ZMYM2: variants seen among roughly 807,000 people sequenced by gnomAD.
ZMYM2 encodes zinc finger MYM-type protein 2.
Under a neutral mutation model 162.8 loss-of-function variants are expected in ZMYM2, and 56 were observed. That is an observed-to-expected ratio of 0.34 (90% CI 0.28 to 0.43). The LOEUF (loss-of-function observed/expected upper bound fraction) is 0.43. Ranked by LOEUF, ZMYM2 falls within the 20% of genes least tolerant of loss-of-function variation. The pLI is 1.00. For synonymous variants in ZMYM2, 510 were observed against 541.6 expected (o/e 0.94, Z 0.81); for missense variants, 1,275 against 1,621.8 (o/e 0.79, Z 3.67).
intron 15 of ZMYM2, 155 bp downstream of exon 15, chr13:20,058,859 G>C: frequency 3.2e-6 from 3 of 926,520 alleles, no homozygotes; most frequent in Non-Finnish European, 5.3e-6. Context: ...ATATTACCTG[G>C]AGAATACAGC....
At position 19,993,076 on chromosome 13, in the gene ZMYM2, G is replaced by C. The variant is rs748702123; in HGVS notation, c.4G>C (p.Asp2His). The C allele has an allele frequency of 4.4e-6, 7 of 1,593,326 alleles. No homozygotes were observed. The highest frequency in any genetic ancestry group is 6.0e-6 in the Non-Finnish European group (7 of 1,171,424). The change falls in exon 3 of 25, where the codon GAC becomes CAC. Residue 2 changes from aspartate (D) to histidine (H), a missense_variant. By Grantham distance (81) the Asp-to-His change is moderately conservative. Transcript: ENST00000610343. ...TCTTCCTAACAGGTTCTTTGGCATG[G>C]ACACAAGTTCAGTGGGAGGATTAGA... M[D>H]TSSVGGLELT...
chr13:20,008,500 A>G lies in ZMYM2; in HGVS notation c.1512+1914A>G, dbSNP rs564332692. On this transcript the variant is annotated intron_variant, in intron 6 of 24. Transcript: ENST00000610343. ...TATCATAGGTATGTGTCTATGGGAA[A>G]CGACATAGTATCAAAGGTTTCAGGC... Among the ~76,000 whole-genome samples the G allele has an allele frequency of 4.8e-4, 73 of 152,350 alleles. 1 individual carries two copies. The highest frequency in any genetic ancestry group is 7.9e-4 in the Non-Finnish European group (54 of 68,030).
At chr13:20,052,958 G>A (rs1955496141) in intron 14 of ZMYM2, among the ~76,000 whole-genome samples, 1 of 152,134 alleles carries the variant, frequency 6.6e-6, no homozygotes, top group Non-Finnish European at 1.5e-5. Flanking sequence ...TAACAATTTG[G>A]GAAATACACA....
the ZMYM2 span, among the ~76,000 whole-genome samples, chr13:19,946,671 C>G: frequency 3.3e-5 from 5 of 152,134 alleles, no homozygotes; most frequent in Non-Finnish European, 5.9e-5. Flanking sequence ...ACTGTTGTAT[C>G]CCTAGCACTT....
the ZMYM2 span, among the ~76,000 whole-genome samples, chr13:19,926,390 G>T: frequency 7.4e-6 from 1 of 135,790 alleles, no homozygotes; most frequent in Non-Finnish European, 1.5e-5. Flanking sequence ...TTTAGTAAGA[G>T]TCTCATTCTG....
chr13:20,019,125 A>G (rs1033070389), intron 6 of ZMYM2, among the ~76,000 whole-genome samples: 2 of 151,814 alleles, frequency 1.3e-5, no homozygotes, highest in African/African-American at 4.8e-5. Context: ...ACAATTTCTC[A>G]ATCCATTTTG....
chr13:20,076,309 C>A (rs1005531735), intron 21 of ZMYM2, among the ~76,000 whole-genome samples: 2 of 150,522 alleles, frequency 1.3e-5, no homozygotes, highest in Non-Finnish European at 2.9e-5. Context: ...TACTTTCCTT[C>A]CTCCTCTGCT....
intron 15 of ZMYM2, chr13:20,059,053 T>C: frequency 2.5e-6 from 1 of 407,672 alleles, no homozygotes; most frequent in Non-Finnish European, 4.5e-6. Flanking sequence ...GTTTCCTTCC[T>C]GTCAGAATGA....
chr13:20,001,262 C>T (rs1950365911), intron 3 of ZMYM2, among the ~76,000 whole-genome samples: 1 of 151,872 alleles, frequency 6.6e-6, no homozygotes, highest in Non-Finnish European at 1.5e-5. Flanking sequence ...TGTGGTGGCA[C>T]ACACCTGTAA....
chr13:19,947,275 T>G, the ZMYM2 span, among the ~76,000 whole-genome samples: 1 of 151,706 alleles, frequency 6.6e-6, no homozygotes, highest in African/African-American at 2.4e-5. Context: ...TTAGCCAGGA[T>G]GGTCTCGATC....
chr13:19,959,772 AT>A (rs1171104450), intron 1 of ZMYM2, 185 bp from the exon 2 acceptor site: 1 of 152,130 alleles, frequency 6.6e-6, no homozygotes, highest in Non-Finnish European at 1.5e-5. Context: ...CCAAATATGT[AT>A]TTTGCGCTGT....
the ZMYM2 span, among the ~76,000 whole-genome samples, chr13:19,941,736 T>C: frequency 7.0e-6 from 1 of 143,376 alleles, no homozygotes; most frequent in African/African-American, 2.6e-5. Flanking sequence ...TTTTTTTTTT[T>C]TTTTTTTGGC....
intron 21 of ZMYM2, chr13:20,072,101 C>A: frequency 6.2e-6 from 1 of 161,368 alleles, no homozygotes. Context: ...CTGTTTCCAG[C>A]CCCCTTTCTG....
At chr13:19,887,202 T>G in the ZMYM2 span, among the ~76,000 whole-genome samples, 2 of 151,920 alleles carry the variant, frequency 1.3e-5, no homozygotes, top group Non-Finnish European at 2.9e-5. Flanking sequence ...CTTAGATTCT[T>G]TATTCATTAG....
At chr13:19,917,388 A>T in the ZMYM2 span, among the ~76,000 whole-genome samples, 1 of 152,166 alleles carries the variant, frequency 6.6e-6, no homozygotes, top group East Asian at 2.0e-4. Context: ...CAGGAGTTCG[A>T]GACCAGCCTG....
At chr13:19,881,616 A>G in the ZMYM2 span, among the ~76,000 whole-genome samples, 1 of 149,996 alleles carries the variant, frequency 6.7e-6, no homozygotes, top group South Asian at 2.1e-4. Context: ...AGTGAGACTC[A>G]GTCTCAATAA....
At chr13:19,930,547 A>T in the ZMYM2 span, among the ~76,000 whole-genome samples, 1 of 149,968 alleles carries the variant, frequency 6.7e-6, no homozygotes, top group Non-Finnish European at 1.5e-5. Flanking sequence ...TTATCTATTT[A>T]TTTGTTTTGA....
chr13:20,032,111 TC>T (rs1953218911), intron 10 of ZMYM2, among the ~76,000 whole-genome samples: 2 of 152,216 alleles, frequency 1.3e-5, no homozygotes, highest in South Asian at 4.1e-4. Flanking sequence ...CCTCAACTGA[TC>T]CGCCCACCTC....
At chr13:20,033,503 A>C (rs540368243) in intron 10 of ZMYM2, among the ~76,000 whole-genome samples, 1 of 152,146 alleles carries the variant, frequency 6.6e-6, no homozygotes, top group Non-Finnish European at 1.5e-5. Flanking sequence ...TTGCCTTACT[A>C]CTTGAGTTGA....
Sources: gnomAD v4.1 joint callset for allele counts (sites outside exome capture counted in the v4.1 genomes callset) on GRCh38, gnomAD v4.1.1 for gene constraint, MANE v1.5 for transcripts, NCBI Gene and HGNC (gene_info 2026-07-23, HGNC 2026-07-21) for gene names.